GGA2: variants seen among roughly 807,000 people sequenced by gnomAD.
The protein encoded by GGA2 is ADP-ribosylation factor-binding protein GGA2.
GGA2 carries 48 observed loss-of-function variants against 79.5 expected under a neutral mutation model. The ratio of observed to expected loss-of-function variants is 0.60; its 90% CI spans 0.48 to 0.77. The LOEUF is 0.77. Ranked by LOEUF, GGA2 falls within the 30% of genes least tolerant of loss-of-function variation. The pLI is 0.00. For missense variants in GGA2, 770 were observed against 774.0 expected, an observed-to-expected ratio of 0.99 and a Z score of 0.06; for synonymous variants, 317 against 302.0, an observed-to-expected ratio of 1.05 and a Z score of -0.51.
At chr16:23,523,651 A>G (rs1469027270), upstream of GGA2, 1 of 152,288 alleles carries the variant, frequency 6.6e-6, no homozygotes, top group Non-Finnish European at 1.5e-5. Flanking sequence ...CCTGCTGCCC[A>G]GCTGCTACGG....
Position 23,465,326 on chromosome 16 carries a change from T to C in GGA2, c.*2264A>G. ...GTGAATGAAGAGGTAGGAGCTGGGC[T>C]CTAAGTGGCCACTGGACTTGCTGAT... is the stretch of plus-strand genomic sequence containing the variant. On this transcript the variant is annotated 3_prime_UTR_variant, in exon 17 of 17. Coordinates refer to ENST00000309859, the MANE Select transcript of GGA2 (RefSeq NM_015044.4). 1 of 702,810 alleles carries C rather than the reference T, an allele frequency of 1.4e-6. No individual in the cohort carries two copies. The highest frequency in any genetic ancestry group is 2.6e-6 in the Non-Finnish European group (1 of 384,824). 43.5% of individuals were successfully genotyped at this position (702,810 alleles called of 1,614,324 possible).
chr16:23,486,843 G>C (rs570811614), intron 6 of GGA2, 53 bp from the exon 7 acceptor site: 4 of 1,013,520 alleles, frequency 3.9e-6, no homozygotes, highest in East Asian at 4.7e-5. Flanking sequence ...CTCAGGCCTA[G>C]AGCAGAAGCA....
intron 6 of GGA2, among the ~76,000 whole-genome samples, chr16:23,487,885 T>C (rs777225953): frequency 1.3e-5 from 2 of 151,922 alleles, no homozygotes; most frequent in Non-Finnish European, 2.9e-5. Context: ...GTACGCAGCG[T>C]GTAGCCTTCC....
At chr16:23,489,679 A>C (rs1325844830) in intron 5 of GGA2, among the ~76,000 whole-genome samples, 1 of 152,338 alleles carries the variant, frequency 6.6e-6, no homozygotes, top group East Asian at 1.9e-4. Flanking sequence ...TTATTTAAAA[A>C]TTGTCTACAG....
chr16:23,464,278 G>A lies in GGA2; in HGVS notation c.*3312C>T, dbSNP rs1442786280. The A allele has an allele frequency of 6.6e-6, 1 of 152,202 alleles. No individual in the cohort carries two copies. The highest frequency in any genetic ancestry group is 1.5e-5 in the Non-Finnish European group (1 of 68,046). 9.4% of individuals were successfully genotyped at this position (152,202 alleles called of 1,614,324 possible). A position where few individuals can be genotyped will look rare whatever the true frequency, so the allele number is the denominator to read the frequency against. ...TTAAGTTCATGGAAGATAATAGGAA[G>A]AGTAATTAACTGCAGCAAAAGGTTA... On this transcript the variant is annotated 3_prime_UTR_variant, in exon 17 of 17. Coordinates refer to ENST00000309859, the MANE Select transcript of GGA2 (RefSeq NM_015044.4).
rs2285522 is a variant in GGA2 at position 23,510,429 on chromosome 16, T to C, written c.-18A>G. ...GCCGCCATCGCTCCAGCCCCGACGC[T>C]GCGGCCGCGGGCGCCACTGCCTCTT... On this transcript the variant is annotated 5_prime_UTR_variant, in exon 1 of 17. Coordinates refer to ENST00000309859, the MANE Select transcript of GGA2 (RefSeq NM_015044.4). 0.78 allele frequency: 820,477 copies of C among 1,057,026 alleles called. 322,768 individuals carry two copies. The highest frequency in any genetic ancestry group is 0.81 in the Non-Finnish European group (652,331 of 807,066). 65.5% of individuals were successfully genotyped at this position (1,057,026 alleles called of 1,614,324 possible).
rs753062374 is a variant in GGA2 at position 23,470,180 on chromosome 16, A to G, written c.1451-15T>C. ...CGGCAGGCTGCCTGGTATAAAGGGC[A>G]CAAGCAGAAGGTTTAACACCACTAC... On this transcript the variant is annotated splice_polypyrimidine_tract_variant and intron_variant, in intron 14 of 16. Coordinates refer to ENST00000309859, the MANE Select transcript of GGA2 (RefSeq NM_015044.4). The G allele has an allele frequency of 1.3e-6, 2 of 1,576,826 alleles. No homozygotes were observed. Among genetic ancestry groups the G allele is most frequent in the South Asian group, 2.4e-5 (2 of 84,522 alleles).
intron 3 of GGA2, chr16:23,494,014 A>G (rs1030185263): frequency 6.7e-6 from 3 of 450,734 alleles, no homozygotes; most frequent in African/African-American, 5.9e-5. Flanking sequence ...CTCTCTAGAA[A>G]AGGCACATGA....
upstream of GGA2, chr16:23,523,682 ATTC>A (rs766048623): frequency 1.3e-5 from 2 of 152,184 alleles, no homozygotes; most frequent in Non-Finnish European, 2.9e-5. Flanking sequence ...GTCCCCCTAA[ATTC>A]TTACGTTGAG....
rs1964439858 is a variant in GGA2, at chr16:23,466,571, T to C, written c.*1019A>G. The C allele has an allele frequency of 6.6e-6, 1 of 152,194 alleles. No individual in the cohort carries two copies. The highest frequency in any genetic ancestry group is 2.4e-5 in the African/African-American group (1 of 41,456). 9.4% of individuals were successfully genotyped at this position (152,194 alleles called of 1,614,324 possible). On this transcript the variant is annotated 3_prime_UTR_variant, in exon 17 of 17. Transcript: ENST00000309859. ...TGCAACTGGCTTTCCATTTTCCACT[T>C]ACTCAACACTCCACAAAGTACACTT... is the stretch of plus-strand genomic sequence containing the variant.
At chr16:23,472,196 T>G (rs1415264941) in intron 14 of GGA2, among the ~76,000 whole-genome samples, 1 of 140,282 alleles carries the variant, frequency 7.1e-6, no homozygotes, top group African/African-American at 2.7e-5. Flanking sequence ...TTTTTTTTTT[T>G]TTTTTTTTTT....
Position 23,467,423 on chromosome 16 carries a change from C to A in GGA2, c.*167G>T. On this transcript the variant is annotated 3_prime_UTR_variant, in exon 17 of 17. Transcript: ENST00000309859. The stretch of plus-strand genomic sequence containing the variant: ...ACACACACACACACACACACACACA[C>A]ACACACACACAGAGCATCTGCAGAA... The A allele has an allele frequency of 1.6e-6, 1 of 611,078 alleles. No individual in the cohort carries two copies. The highest frequency in any genetic ancestry group is 2.9e-5 in the East Asian group (1 of 34,756). The allele number at this position is 611,078 out of a possible 1,614,324, so 37.9% of individuals were successfully genotyped here.
chr16:23,496,110 G>A (rs1214536418), intron 1 of GGA2, among the ~76,000 whole-genome samples: 1 of 152,002 alleles, frequency 6.6e-6, no homozygotes, highest in Admixed American at 6.6e-5. Flanking sequence ...AGACTAGCCT[G>A]ACCAACATGA....
chr16:23,508,063 C>CA lies in GGA2; in HGVS notation c.91+2257_91+2258insT, dbSNP rs969314333. Among the ~76,000 whole-genome samples the CA allele has an allele frequency of 1.4e-4, 20 of 138,446 alleles. No individual in the cohort carries two copies. The East Asian group carries it at 4.3e-3, about 29-fold the overall frequency. 90.8% of individuals were successfully genotyped at this position (138,446 alleles called of 152,430 possible). A position where few individuals can be genotyped will look rare whatever the true frequency, so the allele number is the denominator to read the frequency against. On this transcript the variant is annotated intron_variant, in intron 1 of 16. Coordinates refer to ENST00000309859, the MANE Select transcript of GGA2 (RefSeq NM_015044.4). ...CAGCTACTTTCTCTTACTCCGGCTACTTTTTTTTTTTTTTTTTGAGACAGA... is the reference window on the plus strand; with the variant it reads ...CAGCTACTTTCTCTTACTCCGGCTACATTTTTTTTTTTTTTTTTGAGACAGA...
rs777670618 is a variant in GGA2 at position 23,475,067 on chromosome 16, A to G, written c.1293-6T>C. 7.7e-6 allele frequency: 12 copies of G among 1,553,316 alleles called. No homozygotes were observed. The South Asian group carries it at 1.3e-4, about 17-fold the overall frequency. On this transcript the variant is annotated splice_region_variant and splice_polypyrimidine_tract_variant and intron_variant, in intron 13 of 16. Transcript: ENST00000309859. ...TTTTCTGCGAAACATAATTCCTACA[A>G]AGAAATAAAAAATATCAAAGACTAG...
intron 4 of GGA2, 102 bp from the exon 5 acceptor site, chr16:23,491,902 C>T (rs1234536408): frequency 2.7e-6 from 2 of 748,816 alleles, no homozygotes; most frequent in Non-Finnish European, 4.5e-6. Context: ...CACAAGCTCC[C>T]AGGCGCGGTA....
chr16:23,496,076 GA>G, intron 1 of GGA2, among the ~76,000 whole-genome samples: 1 of 152,100 alleles, frequency 6.6e-6, no homozygotes, highest in East Asian at 1.9e-4. Context: ...GAGGTGGGGG[GA>G]ATCATTTGAG....
chr16:23,478,265 GGC>G, intron 13 of GGA2, 101 bp downstream of exon 13: 1 of 755,930 alleles, frequency 1.3e-6, no homozygotes, highest in Non-Finnish European at 2.0e-6. Context: ...GTTTCTCCAG[GGC>G]GAGAGGCTGT....
At chr16:23,478,996 G>A in intron 11 of GGA2, 85 bp from the exon 12 acceptor site, 2 of 944,952 alleles carry the variant, frequency 2.1e-6, no homozygotes, top group South Asian at 2.6e-5. Context: ...ATCCTTTCTA[G>A]GACATCCAGA....
Sources: gnomAD v4.1 joint callset for allele counts (sites outside exome capture counted in the v4.1 genomes callset) on GRCh38, gnomAD v4.1.1 for gene constraint, MANE v1.5 for transcripts, NCBI Gene and HGNC (gene_info 2026-07-23, HGNC 2026-07-21) for gene names.